CAMTA1: variants seen among roughly 807,000 people sequenced by gnomAD.
CAMTA1 encodes the protein calmodulin-binding transcription activator 1.
Under a neutral mutation model 170.9 loss-of-function variants are expected in CAMTA1, and 27 were observed. The observed-to-expected ratio is 0.16, with a 90% CI of 0.12 to 0.22. The LOEUF is 0.22. Ranked by LOEUF, CAMTA1 falls within the 10% of genes least tolerant of loss-of-function variation. The pLI is 1.00. For synonymous variants in CAMTA1, 833 were observed against 891.5 expected, an observed-to-expected ratio of 0.93 and a Z score of 1.17; for missense variants, 1,619 against 2,217.2, an observed-to-expected ratio of 0.73 and a Z score of 5.42.
intron 3 of CAMTA1, among the ~76,000 whole-genome samples, chr1:6,852,012 C>CAAAAAAA (rs71280861): frequency 1.1e-5 from 1 of 90,648 alleles, no homozygotes; most frequent in Non-Finnish European, 2.3e-5. Flanking sequence ...ACTCTATCTC[C>CAAAAAAA]AAAAAAAAAA....
At chr1:7,364,806 G>A (rs993353955) in intron 5 of CAMTA1, among the ~76,000 whole-genome samples, 1 of 152,202 alleles carries the variant, frequency 6.6e-6, no homozygotes, top group African/African-American at 2.4e-5. Flanking sequence ...TCCACACAGT[G>A]CTTCTAGAAT....
intron 4 of CAMTA1, among the ~76,000 whole-genome samples, chr1:7,119,967 A>C (rs1444599924): frequency 6.6e-6 from 1 of 152,100 alleles, no homozygotes; most frequent in African/African-American, 2.4e-5. Context: ...CCTCATGAGA[A>C]CCTTTCGACC....
At chr1:7,488,257 G>A (rs779257890) in intron 6 of CAMTA1, among the ~76,000 whole-genome samples, 20 of 152,292 alleles carry the variant, frequency 1.3e-4, no homozygotes, top group Non-Finnish European at 2.4e-4. Flanking sequence ...CAGGGGGCTG[G>A]AGCAGCTGTG....
intron 1 of CAMTA1, among the ~76,000 whole-genome samples, chr1:6,806,013 T>G (rs780014271): frequency 2.0e-5 from 3 of 152,224 alleles, no homozygotes; most frequent in Non-Finnish European, 2.9e-5. Context: ...TTTAGTTCTC[T>G]GATAGATCTT....
At chr1:6,894,943 G>T (rs1363071786) in intron 3 of CAMTA1, among the ~76,000 whole-genome samples, 7 of 152,180 alleles carry the variant, frequency 4.6e-5, no homozygotes, top group South Asian at 2.1e-4. Context: ...TCAGATGGAG[G>T]GTCTTTGCAA....
intron 5 of CAMTA1, among the ~76,000 whole-genome samples, chr1:7,423,570 G>A (rs889153174): frequency 6.6e-6 from 1 of 150,834 alleles, no homozygotes; most frequent in Admixed American, 6.6e-5. Context: ...ATTCTCTATT[G>A]TTCTACTTAG....
At chr1:6,927,422 T>C (rs1414076516) in intron 3 of CAMTA1, among the ~76,000 whole-genome samples, 1 of 152,244 alleles carries the variant, frequency 6.6e-6, no homozygotes, top group African/African-American at 2.4e-5. Flanking sequence ...AACACCTTAA[T>C]AAACATTTGT....
chr1:6,822,794 C>CCACACACACACA lies in CAMTA1; in HGVS notation c.116-2277_116-2266dup, dbSNP rs3061932. 6.1e-5 allele frequency among the ~76,000 whole-genome samples: 9 copies of CCACACACACACA among 146,582 alleles called. No individual in the cohort carries two copies. The South Asian group carries it at 1.3e-3, about 21-fold the overall frequency. Reference sequence around the variant, plus strand: ...GAAGAGTACCTTTATTACATAAATACCACACACACACACACACACACACAC... The same window carrying CCACACACACACA: ...GAAGAGTACCTTTATTACATAAATACCACACACACACACACACACACACACACACACACACAC... On this transcript the variant is annotated intron_variant, in intron 2 of 22. Transcript: ENST00000303635.
intron 3 of CAMTA1, among the ~76,000 whole-genome samples, chr1:6,901,875 G>A (rs1677017015): frequency 6.6e-6 from 1 of 151,950 alleles, no homozygotes; most frequent in Non-Finnish European, 1.5e-5. Context: ...GTGAAACCCC[G>A]TCTCTACTAA....
intron 3 of CAMTA1, among the ~76,000 whole-genome samples, chr1:6,852,190 C>G (rs913626410): frequency 6.6e-6 from 1 of 152,098 alleles, no homozygotes; most frequent in Non-Finnish European, 1.5e-5. Flanking sequence ...TTATACCCTT[C>G]AAAAGTGAGG....
At chr1:7,091,455 T>C (rs1464206105) in intron 4 of CAMTA1, 84 bp downstream of exon 4, 1 of 1,048,772 alleles carries the variant, frequency 9.5e-7, no homozygotes, top group Non-Finnish European at 1.5e-6. Context: ...GCCAGTGAAT[T>C]CATGGGCAAC....
intron 1 of CAMTA1, among the ~76,000 whole-genome samples, chr1:6,818,245 G>A (rs1646062564): frequency 6.6e-6 from 1 of 152,166 alleles, no homozygotes; most frequent in South Asian, 2.1e-4. Context: ...GCTGAGGCAG[G>A]AGAATCACTT....
rs1378973560 is a variant in CAMTA1 at position 7,588,988 on chromosome 1, C to T, written c.511-51412C>T. Among the ~76,000 whole-genome samples, 2 of 152,218 alleles carry T rather than the reference C, an allele frequency of 1.3e-5. No homozygotes were observed. The highest frequency in any genetic ancestry group is 2.9e-5 in the Non-Finnish European group (2 of 68,038). The stretch of plus-strand genomic sequence containing the variant: ...AAACCAAGCAATTTACCTTCAATCG[C>T]TTCTCAGAATTTTGCGCAGCCAGAA... On this transcript the variant is annotated intron_variant, in intron 6 of 22. Coordinates refer to ENST00000303635, the MANE Select transcript of CAMTA1 (RefSeq NM_015215.4). This position sits in a 1 kb window ranked among gnomAD's most constrained non-coding sequence, Gnocchi z 5.8.
At chr1:7,118,749 C>T (rs956424646) in intron 4 of CAMTA1, among the ~76,000 whole-genome samples, 1 of 152,114 alleles carries the variant, frequency 6.6e-6, no homozygotes, top group Admixed American at 6.5e-5. Flanking sequence ...ACACTCCACA[C>T]CCTGAGTGGG....
intron 5 of CAMTA1, among the ~76,000 whole-genome samples, chr1:7,466,568 A>G (rs2093215847): frequency 1.3e-5 from 2 of 152,154 alleles, no homozygotes; most frequent in African/African-American, 2.4e-5. Context: ...AGCTGGTGGC[A>G]TTTCTCTCTG....
At chr1:7,327,926 T>G (rs1244561975) in intron 5 of CAMTA1, among the ~76,000 whole-genome samples, 1 of 152,210 alleles carries the variant, frequency 6.6e-6, no homozygotes, top group Non-Finnish European at 1.5e-5. Flanking sequence ...GAATATACAG[T>G]TTCAGGTTGA....
intron 5 of CAMTA1, among the ~76,000 whole-genome samples, chr1:7,460,954 GCTCTCTGACCCCTA>G (rs1450384081): frequency 6.6e-6 from 1 of 152,166 alleles, no homozygotes; most frequent in Non-Finnish European, 1.5e-5. Context: ...CTAACGTGGT[GCTCTCTGACCCCTA>G]CCGGTGGCCT....
At chr1:7,614,810 GTCC>G (rs1234571560) in intron 6 of CAMTA1, among the ~76,000 whole-genome samples, 5 of 152,284 alleles carry the variant, frequency 3.3e-5, no homozygotes, top group African/African-American at 1.2e-4. Context: ...CGAGGCTCCT[GTCC>G]TCCTCACTCA....
chr1:7,251,998 T>G lies in CAMTA1; in HGVS notation c.438+2372T>G, dbSNP rs2149314719. Among the ~76,000 whole-genome samples, 1 of 152,346 alleles carries G rather than the reference T, an allele frequency of 6.6e-6. No homozygotes were observed. The highest frequency in any genetic ancestry group is 1.9e-4 in the East Asian group (1 of 5,186). On this transcript the variant is annotated intron_variant, in intron 5 of 22. Coordinates refer to ENST00000303635, the MANE Select transcript of CAMTA1 (RefSeq NM_015215.4). The surrounding 1 kb of genome is among the most constrained non-coding windows in gnomAD (Gnocchi z 5.1). ...GTCTCTTCATCCCTTTTCACAATCC[T>G]ATAGCATTCTACTATATAAACACTT...
Sources: allele counts gnomAD v4.1 joint callset (sites outside exome capture counted in the v4.1 genomes callset), GRCh38; gene constraint gnomAD v4.1.1; non-coding constraint Gnocchi (gnomAD v3.1); transcripts MANE v1.5; gene names NCBI Gene and HGNC (gene_info 2026-07-23, HGNC 2026-07-21).